Variants in CNTNAP5 observed in about 807,000 individuals in gnomAD.
The protein encoded by CNTNAP5 is contactin associated protein family member 5.
Under a neutral mutation model 150.2 loss-of-function variants are expected in CNTNAP5, and 72 were observed. The observed-to-expected ratio is 0.48, with a 90% confidence interval of 0.40 to 0.58. The LOEUF is 0.58. Among genes scored for constraint, CNTNAP5 ranks in the 20% least tolerant of loss-of-function variants. The probability of loss-of-function intolerance (pLI) is 0.00; values close to 1 mark genes in which losing one functional copy is unlikely to be tolerated. For missense variants in CNTNAP5, 1,636 were observed against 1,626.2 expected, an observed-to-expected ratio of 1.01 and a Z score of -0.10; for synonymous variants, 672 against 619.8, an observed-to-expected ratio of 1.08 and a Z score of -1.25.
intron 4 of CNTNAP5, among the ~76,000 whole-genome samples, chr2:124,418,180 A>T (rs1409025875): frequency 6.6e-6 from 1 of 152,220 alleles, no homozygotes; most frequent in Non-Finnish European, 1.5e-5. Flanking sequence ...GAAGATTCCC[A>T]TCCCTATAAT....
intron 3 of CNTNAP5, among the ~76,000 whole-genome samples, chr2:124,412,298 T>C (rs879485366): frequency 0.041 from 6,168 of 150,034 alleles, 163 homozygotes; most frequent in Non-Finnish European, 0.053. Flanking sequence ...AAAATGGCCA[T>C]ACTGCCCAAG....
chr2:124,318,397 T>A (rs779018069), intron 3 of CNTNAP5, among the ~76,000 whole-genome samples: 1 of 152,222 alleles, frequency 6.6e-6, no homozygotes, highest in African/African-American at 2.4e-5. Context: ...TGTTAAATTA[T>A]GGCTTGAATA....
At chr2:124,340,404 G>A (rs1573926978) in intron 3 of CNTNAP5, among the ~76,000 whole-genome samples, 1 of 152,160 alleles carries the variant, frequency 6.6e-6, no homozygotes, top group Non-Finnish European at 1.5e-5. Context: ...ATGGGTTGGG[G>A]AGCGGGGTAG....
At chr2:124,503,338 C>T (rs998111991) in intron 7 of CNTNAP5, among the ~76,000 whole-genome samples, 6 of 152,180 alleles carry the variant, frequency 3.9e-5, no homozygotes, top group Non-Finnish European at 7.3e-5. Flanking sequence ...CAAACCACTA[C>T]GCTGCTCTGG....
chr2:124,890,531 C>T (rs1377890710), intron 21 of CNTNAP5, among the ~76,000 whole-genome samples: 2 of 152,110 alleles, frequency 1.3e-5, no homozygotes, highest in Non-Finnish European at 1.5e-5. Context: ...AAATAAACTA[C>T]TTGCACTCTA....
intron 11 of CNTNAP5, among the ~76,000 whole-genome samples, chr2:124,603,974 C>T (rs1697045338): frequency 6.6e-6 from 1 of 152,134 alleles, no homozygotes; most frequent in South Asian, 2.1e-4. Flanking sequence ...TAATAAAAGT[C>T]TTGTTTTTAG....
chr2:124,276,026 T>C (rs551389991), intron 3 of CNTNAP5, among the ~76,000 whole-genome samples: 1 of 152,298 alleles, frequency 6.6e-6, no homozygotes, highest in South Asian at 2.1e-4. Context: ...TTTGTTTTTT[T>C]CCCTTAATTT....
chr2:124,406,862 C>A (rs1374640659), intron 3 of CNTNAP5, among the ~76,000 whole-genome samples: 1 of 152,152 alleles, frequency 6.6e-6, no homozygotes, highest in Non-Finnish European at 1.5e-5. Flanking sequence ...CTCACATATA[C>A]CTTTCCTGGC....
intron 17 of CNTNAP5, among the ~76,000 whole-genome samples, chr2:124,777,500 A>T (rs1020663398): frequency 3.3e-5 from 5 of 151,992 alleles, no homozygotes; most frequent in Admixed American, 6.6e-5. Context: ...CTCTTTCCTC[A>T]GCCTCCTGAG....
intron 3 of CNTNAP5, among the ~76,000 whole-genome samples, chr2:124,330,050 G>A (rs563949226): frequency 6.6e-6 from 1 of 152,232 alleles, no homozygotes; most frequent in East Asian, 1.9e-4. Context: ...AGATTTGGGT[G>A]GATTCTTCTC....
intron 19 of CNTNAP5, among the ~76,000 whole-genome samples, chr2:124,814,556 G>T (rs1252544706): frequency 1.3e-5 from 2 of 151,400 alleles, no homozygotes; most frequent in Non-Finnish European, 2.9e-5. Context: ...TTGCTTAAGA[G>T]CTTCTTTTAA....
intron 1 of CNTNAP5, among the ~76,000 whole-genome samples, chr2:124,196,956 G>C (rs1040151842): frequency 2.6e-5 from 4 of 152,166 alleles, no homozygotes; most frequent in African/African-American, 9.7e-5. Context: ...TGAAACAGTA[G>C]GTGGTCTGGA....
chr2:124,855,370 G>A (rs1054714596), intron 19 of CNTNAP5, among the ~76,000 whole-genome samples: 6 of 151,852 alleles, frequency 4.0e-5, no homozygotes, highest in Non-Finnish European at 8.8e-5. Flanking sequence ...TAGAGGCAGG[G>A]TTTCGCCATG....
intron 10 of CNTNAP5, among the ~76,000 whole-genome samples, chr2:124,548,753 A>G (rs1695570594): frequency 6.6e-6 from 1 of 152,242 alleles, no homozygotes; most frequent in South Asian, 2.1e-4. Context: ...AGTTACTTAC[A>G]TTTTACAAGA....
intron 3 of CNTNAP5, among the ~76,000 whole-genome samples, chr2:124,348,298 T>A (rs2104699458): frequency 6.6e-6 from 1 of 152,310 alleles, no homozygotes; most frequent in African/African-American, 2.4e-5. Flanking sequence ...TTCCTTTTAA[T>A]TTAGATTAAT....
At chr2:124,542,641 C>G (rs951125599) in intron 10 of CNTNAP5, among the ~76,000 whole-genome samples, 1 of 152,142 alleles carries the variant, frequency 6.6e-6, no homozygotes, top group African/African-American at 2.4e-5. Context: ...ACGAAGTCTT[C>G]TTGACTGCTC....
At chr2:124,838,384 C>T (rs182837264) in intron 19 of CNTNAP5, among the ~76,000 whole-genome samples, 200 of 152,152 alleles carry the variant, frequency 1.3e-3, no homozygotes, top group African/African-American at 4.7e-3. Context: ...TGGCCTGCCT[C>T]TCAAAAAACA....
At chr2:124,306,379 T>C (rs1370037849) in intron 3 of CNTNAP5, among the ~76,000 whole-genome samples, 1 of 152,134 alleles carries the variant, frequency 6.6e-6, no homozygotes, top group Non-Finnish European at 1.5e-5. Context: ...CCTAACAGTG[T>C]GTCCCAAACA....
chr2:124,321,166 G>A (rs1255562995), intron 3 of CNTNAP5, among the ~76,000 whole-genome samples: 1 of 152,174 alleles, frequency 6.6e-6, no homozygotes, highest in Non-Finnish European at 1.5e-5. Context: ...GGATTAGAAT[G>A]GCTGGGCGCG....
Sources: allele counts gnomAD v4.1 joint callset (sites outside exome capture counted in the v4.1 genomes callset), GRCh38; gene constraint gnomAD v4.1.1; transcripts MANE v1.5; gene names NCBI Gene and HGNC (gene_info 2026-07-23, HGNC 2026-07-21).